Variants in LAMC3 observed in about 807,000 individuals in gnomAD.
LAMC3 encodes the protein laminin subunit gamma-3.
LAMC3 carries 128 observed loss-of-function variants against 173.8 expected under a neutral mutation model. The ratio of observed to expected loss-of-function variants is 0.74; its 90% CI spans 0.64 to 0.85. The LOEUF (loss-of-function observed/expected upper bound fraction) is 0.85. Ranked by LOEUF, LAMC3 falls within the 40% of genes least tolerant of loss-of-function variation. The pLI is 0.00. For synonymous variants in LAMC3, 897 were observed against 909.1 expected, an observed-to-expected ratio of 0.99 and a Z score of 0.24; for missense variants, 2,022 against 2,156.0, an observed-to-expected ratio of 0.94 and a Z score of 1.23.
intron 1 of LAMC3, among the ~76,000 whole-genome samples, chr9:131,010,353 GA>G (rs543944966): frequency 3.0e-4 from 45 of 150,332 alleles, no homozygotes; most frequent in African/African-American, 9.5e-4. Context: ...AAAAAAAGAA[GA>G]AAAAAAAACA....
Position 131,009,593 on chromosome 9 carries a change from C to G in LAMC3, c.373+6C>G, listed in dbSNP as rs757394045. 3 of 1,567,354 alleles carry G rather than the reference C, an allele frequency of 1.9e-6. No individual in the cohort carries two copies. The Admixed American group carries it at 5.5e-5, about 29-fold the overall frequency. On this transcript the variant is annotated splice_donor_region_variant and intron_variant, in intron 1 of 27. Coordinates refer to ENST00000361069, the MANE Select transcript of LAMC3 (RefSeq NM_006059.4). The surrounding 1 kb of genome is among the most constrained non-coding windows in gnomAD (Gnocchi z 4.3). ...CAACATCACCCTCCGCCTAGGTAAGCGCGGGCTGGGGGCACCGCCACCGCA... is the reference window on the plus strand; with the variant it reads ...CAACATCACCCTCCGCCTAGGTAAGGGCGGGCTGGGGGCACCGCCACCGCA...
chr9:131,039,655 A>G (rs948642927), intron 6 of LAMC3, among the ~76,000 whole-genome samples: 1 of 151,742 alleles, frequency 6.6e-6, no homozygotes, highest in South Asian at 2.1e-4. Context: ...GGCAGCCTGC[A>G]TGGGGGTTTG....
intron 16 of LAMC3, among the ~76,000 whole-genome samples, chr9:131,069,309 G>A (rs1484087548): frequency 2.0e-5 from 3 of 152,200 alleles, no homozygotes; most frequent in Non-Finnish European, 4.4e-5. Context: ...CAGCCTGCCA[G>A]TGTCCTCATG....
At chr9:131,046,765 A>G (rs1041614402) in intron 8 of LAMC3, among the ~76,000 whole-genome samples, 12 of 151,572 alleles carry the variant, frequency 7.9e-5, no homozygotes, top group African/African-American at 2.9e-4. Context: ...TCTGCATTAA[A>G]CCAGAGGCTG....
At chr9:131,057,428 G>A (rs910903301) in intron 12 of LAMC3, among the ~76,000 whole-genome samples, 6 of 152,192 alleles carry the variant, frequency 3.9e-5, no homozygotes, top group Non-Finnish European at 5.9e-5. Context: ...CCATCTGTCC[G>A]CGCCACCTTC....
chr9:131,058,674 AC>A (rs1182114583), intron 12 of LAMC3, among the ~76,000 whole-genome samples: 1 of 151,396 alleles, frequency 6.6e-6, no homozygotes, highest in African/African-American at 2.4e-5. Context: ...TGGGCGGATC[AC>A]CTGAGGTCAG....
At chr9:131,044,435 G>A (rs1305821051) in intron 7 of LAMC3, among the ~76,000 whole-genome samples, 11 of 152,234 alleles carry the variant, frequency 7.2e-5, no homozygotes, top group East Asian at 2.0e-4. Flanking sequence ...GTTTGAACCC[G>A]GGAGACAGAG....
At chr9:131,064,459 C>G (rs551324907) in intron 13 of LAMC3, among the ~76,000 whole-genome samples, 1 of 148,306 alleles carries the variant, frequency 6.7e-6, no homozygotes, top group Middle Eastern at 4.3e-3. Flanking sequence ...GTCAGGAGAT[C>G]GAGACCATCC....
intron 16 of LAMC3, 42 bp from the exon 17 acceptor site, chr9:131,069,630 G>C (rs1238388252): frequency 6.3e-7 from 1 of 1,575,190 alleles, no homozygotes; most frequent in East Asian, 2.3e-5. Context: ...CACTGCCCCT[G>C]GCCCCTCTAA....
At chr9:131,062,233 C>T (rs1829841705) in intron 13 of LAMC3, among the ~76,000 whole-genome samples, 2 of 151,528 alleles carry the variant, frequency 1.3e-5, no homozygotes, top group South Asian at 2.1e-4. Flanking sequence ...TGGTGGCGGG[C>T]GCCTGTAGTC....
intron 12 of LAMC3, among the ~76,000 whole-genome samples, chr9:131,058,276 C>T (rs571945227): frequency 3.9e-5 from 6 of 152,142 alleles, no homozygotes; most frequent in South Asian, 2.1e-4. Flanking sequence ...TCACCATCCT[C>T]GGCTAATTTT....
Position 131,052,774 on chromosome 9 carries a change from G to C in LAMC3, c.1824-76G>C, listed in dbSNP as rs377571408. The C allele has an allele frequency of 1.6e-5, 22 of 1,383,042 alleles. No individual in the cohort carries two copies. The East Asian group carries it at 2.5e-4, about 16-fold the overall frequency. The allele number at this position is 1,383,042 out of a possible 1,614,324, so 85.7% of individuals were successfully genotyped here. On this transcript the variant is annotated intron_variant, in intron 10 of 27. Coordinates refer to ENST00000361069, the MANE Select transcript of LAMC3 (RefSeq NM_006059.4). ...ATTTCAGATGCCCCTGTAGTCTGGG[G>C]GGCTACCCCCCATCCCCAGGCATGG...
chr9:131,013,818 G>C (rs541569153), intron 1 of LAMC3, among the ~76,000 whole-genome samples: 1 of 152,254 alleles, frequency 6.6e-6, no homozygotes, highest in Non-Finnish European at 1.5e-5. Context: ...CCGGGTCCCA[G>C]GGTGCTGGAC....
Position 131,093,305 on chromosome 9 carries a change from A to G in LAMC3, c.*1518A>G. The G allele has an allele frequency of 6.6e-6, 1 of 150,660 alleles. No individual in the cohort carries two copies. Among genetic ancestry groups the G allele is most frequent in the Non-Finnish European group, 1.5e-5 (1 of 67,870 alleles). The allele number at this position is 150,660 out of a possible 1,614,324, so 9.3% of individuals were successfully genotyped here. ...TAAAGCCTAGGAGCTGGTGAGTTGG[A>G]GGGGTGGGGTGCGGAGAGGCCCTCA... On this transcript the variant is annotated 3_prime_UTR_variant, in exon 28 of 28. Transcript: ENST00000361069.
intron 17 of LAMC3, among the ~76,000 whole-genome samples, chr9:131,070,916 C>G (rs573792603): frequency 6.6e-6 from 1 of 152,148 alleles, no homozygotes; most frequent in Non-Finnish European, 1.5e-5. Context: ...AATGGAATGC[C>G]TTGTGGCTTT....
At chr9:131,069,470 T>C (rs10901342) in intron 16 of LAMC3, among the ~76,000 whole-genome samples, 15 of 151,936 alleles carry the variant, frequency 9.9e-5, no homozygotes, top group Non-Finnish European at 2.2e-4. Context: ...CGAGGGAACA[T>C]TGGAATAAGC....
Position 131,031,475 on chromosome 9 carries a change from A to G in LAMC3, c.679-570A>G, listed in dbSNP as rs371056433. 3.0e-4 allele frequency among the ~76,000 whole-genome samples: 45 copies of G among 152,182 alleles called. No individual in the cohort carries two copies. The East Asian group carries it at 8.3e-3, about 28-fold the overall frequency. Reference sequence around the variant, plus strand: ...GAAGAGATGTCACCTGAGGCAGGTGACCTGTCCACAGGAGCCTGACCCTCA... The same window carrying G: ...GAAGAGATGTCACCTGAGGCAGGTGGCCTGTCCACAGGAGCCTGACCCTCA... On this transcript the variant is annotated intron_variant, in intron 2 of 27. Coordinates refer to ENST00000361069, the MANE Select transcript of LAMC3 (RefSeq NM_006059.4).
Position 131,039,293 on chromosome 9 carries a change from A to G in LAMC3, c.1283+45A>G, listed in dbSNP as rs753504688. ...CAGTATGGACACATTGCACTGAATG[A>G]CAAGAAGCAGGAGGAACAGGCTGTC... On this transcript the variant is annotated intron_variant, in intron 6 of 27. Coordinates refer to ENST00000361069, the MANE Select transcript of LAMC3 (RefSeq NM_006059.4). 10 of 1,507,682 alleles carry G rather than the reference A, an allele frequency of 6.6e-6. No homozygotes were observed. In the Admixed American group the frequency reaches 1.0e-4, roughly 15 times the overall value. The allele number at this position is 1,507,682 out of a possible 1,614,324, so 93.4% of individuals were successfully genotyped here. A position where few individuals can be genotyped will look rare whatever the true frequency, so the allele number is the denominator to read the frequency against.
At chr9:131,065,630 C>T (rs545040324) in intron 13 of LAMC3, among the ~76,000 whole-genome samples, 3 of 152,270 alleles carry the variant, frequency 2.0e-5, no homozygotes, top group East Asian at 1.9e-4. Flanking sequence ...GATAAGGTGA[C>T]GATGACAGTT....
Sources: gnomAD v4.1 joint callset for allele counts (sites outside exome capture counted in the v4.1 genomes callset) on GRCh38, gnomAD v4.1.1 for gene constraint, Gnocchi (gnomAD v3.1) non-coding constraint, MANE v1.5 for transcripts, NCBI Gene and HGNC (gene_info 2026-07-23, HGNC 2026-07-21) for gene names.